The following CNTN4 variants were observed in gnomAD, a reference collection of about 807,000 sequenced individuals.
CNTN4 encodes the protein contactin 4, also known as contactin-4.
Under a neutral mutation model 122.5 loss-of-function variants are expected in CNTN4, and 77 were observed. The observed-to-expected ratio is 0.63, with a 90% CI of 0.52 to 0.76. The LOEUF (loss-of-function observed/expected upper bound fraction) is 0.76. Ranked by LOEUF, CNTN4 falls within the 30% of genes least tolerant of loss-of-function variation. The pLI, the probability that CNTN4 is intolerant of heterozygous loss-of-function variation, is 0.00. For synonymous variants in CNTN4, 512 were observed against 447.0 expected (o/e 1.15, Z -1.83); for missense variants, 1,256 against 1,259.1 (o/e 1.00, Z 0.04).
At chr3:2,617,072 C>T (rs192367935) in intron 4 of CNTN4, among the ~76,000 whole-genome samples, 36 of 152,256 alleles carry the variant, frequency 2.4e-4, no homozygotes, top group African/African-American at 7.2e-4. Context: ...ATTCAGGACA[C>T]GGGCACGGGC....
Position 3,056,301 on chromosome 3 carries a change from A to T in CNTN4, c.*81A>T. The stretch of plus-strand genomic sequence containing the variant: ...TTTTGAAGACACCCAGTACTAAGTA[A>T]TATTGTTGTTCAAGTACATCTTATT... On this transcript the variant is annotated 3_prime_UTR_variant, in exon 25 of 25. Coordinates refer to ENST00000418658, the MANE Select transcript of CNTN4 (RefSeq NM_175607.3). 1 of 1,028,710 alleles carries T rather than the reference A, an allele frequency of 9.7e-7. No individual in the cohort carries two copies. 63.7% of individuals were successfully genotyped at this position (1,028,710 alleles called of 1,614,324 possible). A position where few individuals can be genotyped will look rare whatever the true frequency, so the allele number is the denominator to read the frequency against.
chr3:2,860,272 T>C (rs1232988731), intron 7 of CNTN4, among the ~76,000 whole-genome samples: 2 of 152,216 alleles, frequency 1.3e-5, no homozygotes, highest in African/African-American at 4.8e-5. Context: ...CCTGAAACAC[T>C]GTACTGAGAA....
intron 2 of CNTN4, chr3:2,144,362 GC>G (rs1412999135): frequency 2.0e-5 from 3 of 152,162 alleles, no homozygotes; most frequent in African/African-American, 7.2e-5. Flanking sequence ...GTCGACAGTT[GC>G]CATGATAAAT....
chr3:2,221,377 C>T (rs1479300830), intron 2 of CNTN4, among the ~76,000 whole-genome samples: 2 of 151,974 alleles, frequency 1.3e-5, no homozygotes, highest in Admixed American at 1.3e-4. Context: ...AGATCCCCTA[C>T]CTCACACCAT....
At chr3:2,667,743 T>C (rs1172677358) in intron 4 of CNTN4, among the ~76,000 whole-genome samples, 1 of 138,096 alleles carries the variant, frequency 7.2e-6, no homozygotes, top group Non-Finnish European at 1.5e-5. Flanking sequence ...TTTAAATCTT[T>C]AATCCATCTT....
intron 2 of CNTN4, among the ~76,000 whole-genome samples, chr3:2,104,093 AC>A (rs1171797445): frequency 1.3e-5 from 2 of 152,126 alleles, no homozygotes; most frequent in Non-Finnish European, 1.5e-5. Context: ...CTGTATACCT[AC>A]CAGTCATTTC....
At chr3:2,147,593 G>A (rs1198161678) in intron 2 of CNTN4, among the ~76,000 whole-genome samples, 1 of 151,742 alleles carries the variant, frequency 6.6e-6, no homozygotes, top group South Asian at 2.1e-4. Flanking sequence ...CCCATTTTTT[G>A]TAGAGATGCC....
intron 6 of CNTN4, among the ~76,000 whole-genome samples, chr3:2,798,701 C>T (rs956699163): frequency 2.6e-5 from 4 of 152,082 alleles, no homozygotes; most frequent in South Asian, 2.1e-4. Context: ...AGTAGAGATG[C>T]GGCCTTGTCA....
intron 4 of CNTN4, among the ~76,000 whole-genome samples, chr3:2,663,082 A>G (rs1249241702): frequency 6.6e-6 from 1 of 150,516 alleles, no homozygotes; most frequent in Non-Finnish European, 1.5e-5. Flanking sequence ...ATCCTGGGCA[A>G]CAGAGTGAGA....
rs190157199 is a variant in CNTN4, at chr3:2,544,868, C to T, written c.-88-26548C>T. 5.8e-4 allele frequency among the ~76,000 whole-genome samples: 88 copies of T among 151,928 alleles called. 1 individual carries two copies. The highest frequency in any genetic ancestry group is 1.5e-3 in the African/African-American group (64 of 41,466). On this transcript the variant is annotated intron_variant, in intron 3 of 24. Transcript: ENST00000418658. ...TGTGTGGTTTTTCACATCTCAATTT[C>T]CTTCAGTTCAGCTCTGATTTTGGTT... is the stretch of plus-strand genomic sequence containing the variant.
chr3:2,990,279 A>G (rs751361033), intron 14 of CNTN4, among the ~76,000 whole-genome samples: 10 of 152,342 alleles, frequency 6.6e-5, no homozygotes, highest in East Asian at 3.9e-4. Flanking sequence ...TGTTGTTTAT[A>G]TATTTTCAAA....
intron 14 of CNTN4, among the ~76,000 whole-genome samples, chr3:3,023,208 CTTTAG>C (rs1698445413): frequency 6.6e-6 from 1 of 152,144 alleles, no homozygotes; most frequent in Non-Finnish European, 1.5e-5. Context: ...TTTTGAACCT[CTTTAG>C]TTTAATCTTT....
At chr3:2,208,089 G>C (rs993609742) in intron 2 of CNTN4, among the ~76,000 whole-genome samples, 10 of 152,112 alleles carry the variant, frequency 6.6e-5, no homozygotes, top group African/African-American at 2.4e-4. Flanking sequence ...CTGACTTTCA[G>C]CTCTAATTAT....
At chr3:2,265,368 G>GT (rs2041001218) in intron 2 of CNTN4, among the ~76,000 whole-genome samples, 1 of 152,062 alleles carries the variant, frequency 6.6e-6, no homozygotes, top group Non-Finnish European at 1.5e-5. Flanking sequence ...TGAGTTGGCT[G>GT]TAAGTACATG....
intron 3 of CNTN4, among the ~76,000 whole-genome samples, chr3:2,488,901 G>T (rs186509529): frequency 2.6e-5 from 4 of 152,218 alleles, no homozygotes; most frequent in African/African-American, 7.2e-5. Flanking sequence ...TTGAATGTAG[G>T]CTCCATTTTT....
At chr3:2,250,908 AAGAAG>A (rs1176801542) in intron 2 of CNTN4, among the ~76,000 whole-genome samples, 3 of 151,872 alleles carry the variant, frequency 2.0e-5, no homozygotes, top group African/African-American at 7.2e-5. Context: ...TAATGAAGAA[AAGAAG>A]AGATCATTTT....
chr3:2,783,888 A>T (rs191058801), intron 6 of CNTN4, among the ~76,000 whole-genome samples: 1 of 152,300 alleles, frequency 6.6e-6, no homozygotes, highest in African/African-American at 2.4e-5. Flanking sequence ...TGAACCCTAT[A>T]ATTTTCTTGC....
chr3:2,137,649 C>G lies in CNTN4; in HGVS notation c.-145+37010C>G, dbSNP rs147126175. On this transcript the variant is annotated intron_variant, in intron 2 of 24. Coordinates refer to ENST00000418658, the MANE Select transcript of CNTN4 (RefSeq NM_175607.3). ...TAGAAAAAAGATTGCATTTTGGGAG[C>G]TATGCACATCATGGCTTTTTCACAA... Among the ~76,000 whole-genome samples, 515 of 152,242 alleles carry G rather than the reference C, an allele frequency of 3.4e-3. 2 individuals are homozygous for G. Among genetic ancestry groups the G allele is most frequent in the African/African-American group, 0.012 (496 of 41,542 alleles).
At chr3:2,350,023 T>C (rs1327971090) in intron 3 of CNTN4, among the ~76,000 whole-genome samples, 1 of 152,146 alleles carries the variant, frequency 6.6e-6, no homozygotes, top group Non-Finnish European at 1.5e-5. Context: ...TAAGATCTAT[T>C]TTGAAGTGAG....
Sources: allele counts gnomAD v4.1 joint callset (sites outside exome capture counted in the v4.1 genomes callset), GRCh38; gene constraint gnomAD v4.1.1; transcripts MANE v1.5; gene names NCBI Gene and HGNC (gene_info 2026-07-23, HGNC 2026-07-21).